The following LRRC4C variants were observed in gnomAD, a reference collection of about 807,000 sequenced individuals.
The protein encoded by LRRC4C is leucine rich repeat containing 4C.
A neutral mutation model predicts 33.6 loss-of-function variants in LRRC4C; 5 were observed. That is an observed-to-expected ratio of 0.15 (90% confidence interval 0.08 to 0.31). The LOEUF (loss-of-function observed/expected upper bound fraction) is 0.31. Among genes scored for constraint, LRRC4C ranks in the 10% least tolerant of loss-of-function variants. LRRC4C has a pLI of 1.00. For synonymous variants in LRRC4C, 329 were observed against 302.0 expected, an observed-to-expected ratio of 1.09 and a Z score of -0.93; for missense variants, 560 against 796.7, an observed-to-expected ratio of 0.70 and a Z score of 3.58.
intron 1 of LRRC4C, among the ~76,000 whole-genome samples, chr11:41,384,433 A>C (rs1466806574): frequency 1.3e-5 from 2 of 151,816 alleles, no homozygotes; most frequent in Non-Finnish European, 2.9e-5. Flanking sequence ...AAACAATAGA[A>C]ACCTGGGGAA....
chr11:40,436,221 T>C (rs1425630393), intron 3 of LRRC4C, among the ~76,000 whole-genome samples: 2 of 152,230 alleles, frequency 1.3e-5, no homozygotes, highest in East Asian at 3.9e-4. Flanking sequence ...ATGCTCATTT[T>C]TTCAGAAGAC....
At chr11:41,408,145 T>C (rs957611716) in intron 1 of LRRC4C, among the ~76,000 whole-genome samples, 3 of 152,092 alleles carry the variant, frequency 2.0e-5, no homozygotes, top group South Asian at 4.1e-4. Context: ...GTGTACAGGG[T>C]GAAACAGGTA....
At chr11:41,456,735 C>T (rs528491448) in intron 1 of LRRC4C, among the ~76,000 whole-genome samples, 5 of 152,226 alleles carry the variant, frequency 3.3e-5, no homozygotes, top group Non-Finnish European at 7.4e-5. Context: ...ATTTACCTTT[C>T]TTTTCTGAAT....
chr11:40,724,537 T>TA (rs34547299), intron 2 of LRRC4C, among the ~76,000 whole-genome samples: 5,964 of 151,764 alleles, frequency 0.039, 123 homozygotes, highest in Middle Eastern at 0.058. Flanking sequence ...AAAGCAGAAA[T>TA]AAAAAAAATT....
chr11:40,909,805 T>C (rs1355612390), intron 2 of LRRC4C, among the ~76,000 whole-genome samples: 1 of 152,166 alleles, frequency 6.6e-6, no homozygotes, highest in East Asian at 1.9e-4. Flanking sequence ...ATTATACTAT[T>C]TTTAAAGAAG....
At chr11:41,343,116 T>G (rs939603956) in intron 1 of LRRC4C, among the ~76,000 whole-genome samples, 1 of 152,164 alleles carries the variant, frequency 6.6e-6, no homozygotes, top group African/African-American at 2.4e-5. Context: ...TCACAAGATT[T>G]TTCACTTACT....
At chr11:40,270,328 C>G (rs1251920533) in intron 4 of LRRC4C, among the ~76,000 whole-genome samples, 2 of 152,046 alleles carry the variant, frequency 1.3e-5, no homozygotes, top group Non-Finnish European at 2.9e-5. Flanking sequence ...GGTGGCCTCT[C>G]TCCTTAGCTT....
At chr11:41,132,763 TAATTA>T (rs1478462897) in intron 1 of LRRC4C, among the ~76,000 whole-genome samples, 3 of 152,140 alleles carry the variant, frequency 2.0e-5, no homozygotes, top group African/African-American at 7.2e-5. Context: ...CAATTTCCAT[TAATTA>T]AATTAATCTT....
intron 4 of LRRC4C, among the ~76,000 whole-genome samples, chr11:40,313,856 G>A (rs925166430): frequency 6.6e-6 from 1 of 151,656 alleles, no homozygotes; most frequent in Non-Finnish European, 1.5e-5. Flanking sequence ...CTCGTGATCC[G>A]CCTGCCTCGG....
chr11:40,335,987 G>C (rs1187229831), intron 3 of LRRC4C, among the ~76,000 whole-genome samples: 4 of 152,136 alleles, frequency 2.6e-5, no homozygotes, highest in African/African-American at 9.7e-5. Flanking sequence ...TTTGAAGAGT[G>C]CTCCATGTTA....
At chr11:41,049,337 C>T (rs758642611) in intron 1 of LRRC4C, among the ~76,000 whole-genome samples, 4 of 152,116 alleles carry the variant, frequency 2.6e-5, no homozygotes, top group Non-Finnish European at 5.9e-5. Context: ...GTGAGGCATC[C>T]CCAGCCACAT....
chr11:40,246,313 A>G lies in LRRC4C; in HGVS notation c.-175-4715T>C, dbSNP rs79176803. Among the ~76,000 whole-genome samples the G allele has an allele frequency of 5.9e-3, 902 of 152,302 alleles. 11 individuals carry two copies. Among genetic ancestry groups the G allele is most frequent in the African/African-American group, 0.021 (875 of 41,552 alleles). Reference sequence around the variant, plus strand: ...TTTTATCAAGTGTTATAGGAAAAGAAAAAAGACAATAAGTAGAATTGGTCC... The same window carrying G: ...TTTTATCAAGTGTTATAGGAAAAGAGAAAAGACAATAAGTAGAATTGGTCC... On this transcript the variant is annotated intron_variant, in intron 4 of 6. Transcript: ENST00000528697.
intron 5 of LRRC4C, among the ~76,000 whole-genome samples, chr11:40,215,035 A>G (rs4400793): frequency 1.5e-4 from 23 of 151,956 alleles, no homozygotes; most frequent in Non-Finnish European, 2.6e-4. Flanking sequence ...GACATTAATC[A>G]ATGATGCAAA....
At chr11:40,914,857 G>T (rs1826653300) in intron 2 of LRRC4C, among the ~76,000 whole-genome samples, 2 of 152,072 alleles carry the variant, frequency 1.3e-5, no homozygotes, top group Non-Finnish European at 2.9e-5. Context: ...AAAGTCTCAG[G>T]ATACAAAATC....
At chr11:40,498,455 A>T (rs1954582844) in intron 3 of LRRC4C, among the ~76,000 whole-genome samples, 2 of 152,212 alleles carry the variant, frequency 1.3e-5, no homozygotes, top group South Asian at 4.1e-4. Flanking sequence ...CTTCTTCTCC[A>T]AATGGTTTCA....
At chr11:41,453,335 A>G (rs1307341277) in intron 1 of LRRC4C, among the ~76,000 whole-genome samples, 1 of 152,100 alleles carries the variant, frequency 6.6e-6, no homozygotes, top group Non-Finnish European at 1.5e-5. Context: ...TATGGTACTG[A>G]TCATGTACTA....
intron 1 of LRRC4C, among the ~76,000 whole-genome samples, chr11:41,152,930 T>C (rs574232876): frequency 6.6e-6 from 1 of 152,300 alleles, no homozygotes; most frequent in Non-Finnish European, 1.5e-5. Flanking sequence ...GTAAGATTCA[T>C]CTTATAGTCT....
chr11:41,152,298 A>G (rs1323097635), intron 1 of LRRC4C, among the ~76,000 whole-genome samples: 1 of 152,246 alleles, frequency 6.6e-6, no homozygotes, highest in Non-Finnish European at 1.5e-5. Context: ...CTCCAGAGTC[A>G]TAGAAGTAGC....
intron 2 of LRRC4C, among the ~76,000 whole-genome samples, chr11:40,844,953 T>C (rs916841738): frequency 6.6e-6 from 1 of 152,118 alleles, no homozygotes; most frequent in Non-Finnish European, 1.5e-5. Context: ...TCCTTTTTTT[T>C]AATTTTTCTT....
Sources: allele counts gnomAD v4.1 joint callset (sites outside exome capture counted in the v4.1 genomes callset), GRCh38; gene constraint gnomAD v4.1.1; transcripts MANE v1.5; gene names NCBI Gene and HGNC (gene_info 2026-07-23, HGNC 2026-07-21).